Variants in TG observed in about 807,000 individuals in gnomAD.
The protein encoded by TG is thyroid hormones.
A neutral mutation model predicts 324.7 loss-of-function variants in TG; 270 were observed. The observed-to-expected ratio is 0.83, with a 90% CI of 0.75 to 0.92. The LOEUF (loss-of-function observed/expected upper bound fraction) is 0.92. Ranked by LOEUF, TG falls within the 40% of genes least tolerant of loss-of-function variation. TG has a pLI of 0.00. For synonymous variants in TG, 1,401 were observed against 1,327.0 expected (o/e 1.06, Z -1.21); for missense variants, 3,591 against 3,456.4 (o/e 1.04, Z -0.98).
chr8:132,928,071 G>A (rs757511432), intron 22 of TG, among the ~76,000 whole-genome samples: 1 of 152,024 alleles, frequency 6.6e-6, no homozygotes, highest in Admixed American at 6.5e-5. Flanking sequence ...GCGCCTGGCC[G>A]AGCATGTCAT....
chr8:132,942,648 T>G (rs1393003801), intron 26 of TG, among the ~76,000 whole-genome samples: 2 of 152,204 alleles, frequency 1.3e-5, no homozygotes, highest in African/African-American at 4.8e-5. Flanking sequence ...TACTCATTTA[T>G]TCATCGCTGC....
At chr8:133,047,275 TG>T (rs1233915827) in intron 41 of TG, 1 of 152,780 alleles carries the variant, frequency 6.5e-6, no homozygotes, top group Non-Finnish European at 1.5e-5. Flanking sequence ...TGATGGTGAC[TG>T]TGTGAGAGGA....
At chr8:133,087,437 G>A (rs1025684009) in intron 41 of TG, among the ~76,000 whole-genome samples, 13 of 152,036 alleles carry the variant, frequency 8.6e-5, no homozygotes, top group African/African-American at 1.9e-4. Flanking sequence ...TTCCTCCCTC[G>A]GGGTGTGAGG....
intron 12 of TG, 141 bp from the exon 13 acceptor site, chr8:132,898,028 G>A: frequency 2.1e-6 from 2 of 942,624 alleles, no homozygotes. Flanking sequence ...TGTGGACAAT[G>A]TCCGGCTGGG....
chr8:132,941,210 GAGAGC>G, intron 25 of TG, 136 bp from the exon 26 acceptor site: 1 of 1,034,012 alleles, frequency 9.7e-7, no homozygotes, highest in Non-Finnish European at 1.5e-6. Context: ...TTGTGGCACA[GAGAGC>G]ATCTCATCTT....
At chr8:133,090,380 A>G (rs1847302017) in intron 41 of TG, among the ~76,000 whole-genome samples, 1 of 152,168 alleles carries the variant, frequency 6.6e-6, no homozygotes, top group Admixed American at 6.5e-5. Flanking sequence ...AGTCCTTCCT[A>G]CCTGATTTAA....
chr8:132,985,704 C>A (rs1831435354), intron 35 of TG, among the ~76,000 whole-genome samples: 1 of 152,142 alleles, frequency 6.6e-6, no homozygotes, highest in African/African-American at 2.4e-5. Context: ...GCAGCACCTG[C>A]TTCCTGCTCA....
At chr8:133,124,228 A>G (rs1851354649) in intron 45 of TG, among the ~76,000 whole-genome samples, 1 of 152,160 alleles carries the variant, frequency 6.6e-6, no homozygotes, top group Non-Finnish European at 1.5e-5. Context: ...TGGCACTTGA[A>G]TTGTGTGCTG....
Position 133,134,628 on chromosome 8 carries a change from G to A in TG, c.8189-48G>A, listed in dbSNP as rs1588158941. ...GACAAAAGGAAGGGACCAGAGAAGA[G>A]AAGTCCTAATCTGGCTTGGACCAAC... On this transcript the variant is annotated intron_variant, in intron 47 of 47. Transcript: ENST00000220616. 8 of 1,515,670 alleles carry A rather than the reference G, an allele frequency of 5.3e-6. No individual in the cohort carries two copies. In the African/African-American group the frequency reaches 1.1e-4, roughly 21 times the overall value. 93.9% of individuals were successfully genotyped at this position (1,515,670 alleles called of 1,614,324 possible). A position where few individuals can be genotyped will look rare whatever the true frequency, so the allele number is the denominator to read the frequency against.
intron 35 of TG, among the ~76,000 whole-genome samples, chr8:132,991,353 C>A: frequency 6.6e-6 from 1 of 152,130 alleles, no homozygotes; most frequent in East Asian, 1.9e-4. Context: ...ACACTGTTTT[C>A]TTACTACTAT....
rs1554706051 is a variant in TG at position 133,039,953 on chromosome 8, G to GCACGCA, written c.7239+9933_7239+9934insGCACAC. 26 of 1,434,318 alleles carry GCACGCA rather than the reference G, an allele frequency of 1.8e-5. No homozygotes were observed. The African/African-American group carries it at 2.5e-4, about 14-fold the overall frequency. The allele number at this position is 1,434,318 out of a possible 1,614,324, so 88.8% of individuals were successfully genotyped here. A position where few individuals can be genotyped will look rare whatever the true frequency, so the allele number is the denominator to read the frequency against. Reference sequence around the variant, plus strand: ...TCACATGTTCACAGAGCACTTGCATGCACACACACACACACACACACACAC... The same window carrying GCACGCA: ...TCACATGTTCACAGAGCACTTGCATGCACGCACACACACACACACACACACACACAC... On this transcript the variant is annotated intron_variant, in intron 41 of 47. Transcript: ENST00000220616.
At chr8:132,972,762 A>G (rs1379876331) in intron 34 of TG, 21 bp downstream of exon 34, 1 of 1,613,970 alleles carries the variant, frequency 6.2e-7, no homozygotes, top group Non-Finnish European at 8.5e-7. Context: ...TTCTCATGAC[A>G]GCTATATGGA....
intron 41 of TG, chr8:133,037,474 C>A (rs1837302361): frequency 6.6e-6 from 1 of 152,184 alleles, no homozygotes; most frequent in Non-Finnish European, 1.5e-5. Context: ...CCAGCCAGCC[C>A]TTCCACTCTG....
chr8:132,957,312 T>C (rs553403755), intron 27 of TG, among the ~76,000 whole-genome samples: 1 of 151,874 alleles, frequency 6.6e-6, no homozygotes, highest in South Asian at 2.1e-4. Context: ...AAACCAAGGA[T>C]GAACTTAAGA....
intron 36 of TG, 129 bp downstream of exon 36, chr8:133,012,164 C>A: frequency 7.2e-7 from 1 of 1,380,844 alleles, no homozygotes; most frequent in Non-Finnish European, 1.0e-6. Flanking sequence ...AAGGGATTAA[C>A]CTGGGGAAGA....
chr8:132,974,474 C>A (rs1200623779), intron 34 of TG, among the ~76,000 whole-genome samples: 1 of 152,172 alleles, frequency 6.6e-6, no homozygotes, highest in East Asian at 1.9e-4. Flanking sequence ...GAGAAGACTG[C>A]AGCGTAGAAA....
intron 10 of TG, among the ~76,000 whole-genome samples, chr8:132,891,938 A>G (rs1015175500): frequency 6.6e-6 from 1 of 152,206 alleles, no homozygotes; most frequent in African/African-American, 2.4e-5. Context: ...TTGCTAAGTG[A>G]CACTGCCAAG....
chr8:133,013,210 C>T (rs186073098), intron 36 of TG, among the ~76,000 whole-genome samples: 3 of 152,354 alleles, frequency 2.0e-5, no homozygotes, highest in African/African-American at 7.2e-5. Context: ...TTATTTCCAT[C>T]CCCTGGTACA....
intron 35 of TG, among the ~76,000 whole-genome samples, chr8:133,005,510 A>G (rs1053815781): frequency 2.0e-5 from 3 of 152,160 alleles, no homozygotes; most frequent in African/African-American, 7.2e-5. Context: ...GTGTTTGCTG[A>G]GCATTTCCCC....
Sources: gnomAD v4.1 joint callset for allele counts (sites outside exome capture counted in the v4.1 genomes callset) on GRCh38, gnomAD v4.1.1 for gene constraint, MANE v1.5 for transcripts, NCBI Gene and HGNC (gene_info 2026-07-23, HGNC 2026-07-21) for gene names.